The following LTBP4 variants were observed in gnomAD, a reference collection of about 807,000 sequenced individuals.
The protein encoded by LTBP4 is latent transforming growth factor beta binding protein 4.
Under a neutral mutation model 180.2 loss-of-function variants are expected in LTBP4, and 93 were observed. The ratio of observed to expected loss-of-function variants is 0.52; its 90% CI spans 0.44 to 0.61. The LOEUF (loss-of-function observed/expected upper bound fraction) is 0.61, where lower values mean the gene tolerates loss of function less well. LTBP4 is among the 20% of genes least tolerant of loss of function. The probability of loss-of-function intolerance (pLI) is 0.00; values close to 1 mark genes in which losing one functional copy is unlikely to be tolerated. For synonymous variants in LTBP4, 947 were observed against 934.5 expected, an observed-to-expected ratio of 1.01 and a Z score of -0.24; for missense variants, 2,116 against 2,256.5, an observed-to-expected ratio of 0.94 and a Z score of 1.26.
rs749092966 is a variant in LTBP4 at position 40,605,148 on chromosome 19, C to A, written c.364C>A (p.Pro122Thr). The A allele has an allele frequency of 3.7e-6, 6 of 1,611,904 alleles. No homozygotes were observed. The highest frequency in any genetic ancestry group is 4.2e-6 in the Non-Finnish European group (5 of 1,179,224). ...FCQLHSSGAR[P>T]PAPAVPGLTR... is the part of the protein sequence containing the mutation. ...CCAGTTGCACTCCTCGGGCGCCCGGCCCCCGGCCCCGGCTGTACCAGGCCT... is the reference window on the plus strand; with the variant it reads ...CCAGTTGCACTCCTCGGGCGCCCGGACCCCGGCCCCGGCTGTACCAGGCCT... The change falls in exon 2 of 30, where the codon CCC becomes ACC. Residue 122 changes from proline (P) to threonine (T), a missense_variant. Pro to Thr is a conservative substitution (Grantham distance 38). Transcript: ENST00000396819. The surrounding 1 kb of genome is among the most constrained non-coding windows in gnomAD (Gnocchi z 5.5).
chr19:40,627,946 G>A (rs982673665), intron 29 of LTBP4, 89 bp downstream of exon 29: 9 of 1,461,506 alleles, frequency 6.2e-6, no homozygotes, highest in Non-Finnish European at 5.5e-6. Context: ...TGCTGGTCAG[G>A]GACGGGAAAG....
rs778321413 is a variant in LTBP4 at position 40,624,097 on chromosome 19, G to T, written c.3832+15G>T. On this transcript the variant is annotated intron_variant, in intron 26 of 29. Coordinates refer to ENST00000396819, the MANE Select transcript of LTBP4 (RefSeq NM_001042545.2). The stretch of plus-strand genomic sequence containing the variant: ...CCAGAGCCTCGGTAACCCCGCCCAC[G>T]CCATCCAGGCCCTCCTTCCCTTGGC... 2.0e-6 allele frequency: 3 copies of T among 1,517,568 alleles called. No homozygotes were observed. The highest frequency in any genetic ancestry group is 2.7e-6 in the Non-Finnish European group (3 of 1,130,008). 94.0% of individuals were successfully genotyped at this position (1,517,568 alleles called of 1,614,324 possible).
At position 40,619,390 on chromosome 19, in the gene LTBP4, C is replaced by A; in HGVS notation, c.3114C>A (p.Ala1038=). Residue 1038 remains alanine (A), a synonymous_variant, in exon 22 of 30, where the codon GCC becomes GCA. Coordinates refer to ENST00000396819, the MANE Select transcript of LTBP4 (RefSeq NM_001042545.2). ...CETLQGVCGA[A]LCENVEGSFL... ...CACTACAGGGTGTATGTGGAGCTGC[C>A]CTGTGTGAAAATGTCGAAGGCTCCT... is the stretch of plus-strand genomic sequence containing the variant. The A allele has an allele frequency of 1.2e-6, 2 of 1,613,796 alleles. No homozygotes were observed. The highest frequency in any genetic ancestry group is 1.7e-6 in the Non-Finnish European group (2 of 1,179,848).
rs1242020458 is a variant in LTBP4, at chr19:40,629,647, G to T, written c.*97G>T. 23 of 1,216,340 alleles carry T rather than the reference G, an allele frequency of 1.9e-5. 1 individual carries two copies. In the South Asian group the frequency reaches 4.7e-4, roughly 25 times the overall value. The allele number at this position is 1,216,340 out of a possible 1,614,324, so 75.3% of individuals were successfully genotyped here. On this transcript the variant is annotated 3_prime_UTR_variant, in exon 30 of 30. Transcript: ENST00000396819. The surrounding 1 kb of genome is among the most constrained non-coding windows in gnomAD (Gnocchi z 4.5). Reference sequence around the variant, plus strand: ...TATGCGTATGTGCACGGGGCCGCCCGCCTGGACCTGGAGAAGGGACCTACG... The same window carrying T: ...TATGCGTATGTGCACGGGGCCGCCCTCCTGGACCTGGAGAAGGGACCTACG...
chr19:40,606,138 C>A, intron 4 of LTBP4, 95 bp from the exon 5 acceptor site: 1 of 1,162,730 alleles, frequency 8.6e-7, no homozygotes, highest in Non-Finnish European at 1.3e-6. Context: ...CTACAGCCAA[C>A]ATCTTTTAGT....
At position 40,613,048 on chromosome 19, in the gene LTBP4, A is replaced by C. The variant is rs1568407643; in HGVS notation, c.2300-17A>C. ...TCCCGAGACTGGACCCTTTCTGAAC[A>C]CCCCCACCCCCCACAGATGTGGACG... On this transcript the variant is annotated splice_polypyrimidine_tract_variant and intron_variant, in intron 15 of 29. Transcript: ENST00000396819. This position sits in a 1 kb window ranked among gnomAD's most constrained non-coding sequence, Gnocchi z 5.0. The C allele has an allele frequency of 6.2e-7, 1 of 1,609,088 alleles. No homozygotes were observed. Among genetic ancestry groups the C allele is most frequent in the Middle Eastern group, 1.7e-4 (1 of 6,058 alleles).
chr19:40,622,111 G>C lies in LTBP4; in HGVS notation c.3218-290G>C, dbSNP rs1018954095. Among the ~76,000 whole-genome samples the C allele has an allele frequency of 3.3e-5, 5 of 152,212 alleles. No individual in the cohort carries two copies. The highest frequency in any genetic ancestry group is 7.3e-5 in the Non-Finnish European group (5 of 68,030). On this transcript the variant is annotated intron_variant, in intron 22 of 29. Coordinates refer to ENST00000396819, the MANE Select transcript of LTBP4 (RefSeq NM_001042545.2). The surrounding 1 kb of genome is among the most constrained non-coding windows in gnomAD (Gnocchi z 5.1). ...TGCCACACACTGGATAAGAGACCCA[G>C]AGAGGCATCCAGGAAGCCAGGGAAG...
At position 40,613,179 on chromosome 19, in the gene LTBP4, G is replaced by T. The variant is rs1484352469; in HGVS notation, c.2414G>T (p.Arg805Leu). The T allele has an allele frequency of 1.3e-6, 2 of 1,571,568 alleles. No individual in the cohort carries two copies. Among genetic ancestry groups the T allele is most frequent in the Middle Eastern group, 1.7e-4 (1 of 6,026 alleles). ...CAPGYRAPSG[R>L]PGPCADVNEC... Reference sequence around the variant, plus strand: ...CCAGGCTACCGGGCGCCGTCGGGTCGGCCCGGGCCCTGCGCAGGTGAGCAG... The same window carrying T: ...CCAGGCTACCGGGCGCCGTCGGGTCTGCCCGGGCCCTGCGCAGGTGAGCAG... Residue 805 changes from arginine to leucine, a missense_variant, in exon 16 of 30, where the codon CGG (arginine) becomes CTG (leucine). Transcript: ENST00000396819. This position sits in a 1 kb window ranked among gnomAD's most constrained non-coding sequence, Gnocchi z 5.0.
At chr19:40,625,770 C>A (rs2278242) in intron 26 of LTBP4, 87 bp from the exon 27 acceptor site, 1 of 1,226,828 alleles carries the variant, frequency 8.2e-7, no homozygotes, top group Non-Finnish European at 1.1e-6. Context: ...GCAGAGGGTG[C>A]CTGGGCTGCT....
chr19:40,597,405 C>A, upstream of LTBP4: 2 of 1,495,556 alleles, frequency 1.3e-6, no homozygotes, highest in Non-Finnish European at 1.8e-6. Context: ...TCCTTGTGCC[C>A]CTTCCACCCA....
chr19:40,599,116 G>T, upstream of LTBP4: 1 of 1,309,612 alleles, frequency 7.6e-7, no homozygotes, highest in Non-Finnish European at 1.1e-6. Context: ...GATGCGTCTT[G>T]GTTTCCCCTC....
At position 40,626,640 on chromosome 19, in the gene LTBP4, C is replaced by T. The variant is rs139708518; in HGVS notation, c.3986-335C>T. On this transcript the variant is annotated intron_variant, in intron 27 of 29. Transcript: ENST00000396819. The stretch of plus-strand genomic sequence containing the variant: ...TCAGACTGTCTCCCATGCATCCTGC[C>T]CCCTCAGGTCCCCAGCAGCAATCCC... Among the ~76,000 whole-genome samples, 393 of 152,226 alleles carry T rather than the reference C, an allele frequency of 2.6e-3. 2 individuals carry two copies. The highest frequency in any genetic ancestry group is 3.7e-3 in the Admixed American group (56 of 15,276).
Position 40,629,356 on chromosome 19 carries a change from GC to G in LTBP4, c.4520-36del. On this transcript the variant is annotated intron_variant, in intron 29 of 29. Coordinates refer to ENST00000396819, the MANE Select transcript of LTBP4 (RefSeq NM_001042545.2). This position sits in a 1 kb window ranked among gnomAD's most constrained non-coding sequence, Gnocchi z 4.5. ...GGGGCCAAGGAGGCGAGCTTCTGGGGCCCCAGCCTTCAGCAGCGATCGTTGT... is the reference window on the plus strand; with the variant it reads ...GGGGCCAAGGAGGCGAGCTTCTGGGGCCCAGCCTTCAGCAGCGATCGTTGT... The G allele has an allele frequency of 6.2e-7, 1 of 1,610,700 alleles. No homozygotes were observed. The highest frequency in any genetic ancestry group is 2.2e-5 in the East Asian group (1 of 44,664).
chr19:40,624,440 C>A (rs1235003914), intron 26 of LTBP4, among the ~76,000 whole-genome samples: 1 of 152,228 alleles, frequency 6.6e-6, no homozygotes, highest in Non-Finnish European at 1.5e-5. Flanking sequence ...GTTGCCCAGG[C>A]TAGAGCGCAG....
In LTBP4 at chr19:40,609,147, A is replaced by C. The variant is rs2081486346; in HGVS notation, c.1427-383A>C. ...CAGTTTTCTCATTGGTAAAATGGGG[A>C]TGGTTGTTGAGATGCCTCTGAAGTG... is the stretch of plus-strand genomic sequence containing the variant. On this transcript the variant is annotated intron_variant, in intron 9 of 29. Coordinates refer to ENST00000396819, the MANE Select transcript of LTBP4 (RefSeq NM_001042545.2). This position sits in a 1 kb window ranked among gnomAD's most constrained non-coding sequence, Gnocchi z 4.9. Among the ~76,000 whole-genome samples, 1 of 152,126 alleles carries C rather than the reference A, an allele frequency of 6.6e-6. No homozygotes were observed. The highest frequency in any genetic ancestry group is 6.5e-5 in the Admixed American group (1 of 15,270).
At chr19:40,617,267 G>A (rs755971692) in intron 21 of LTBP4, 42 bp downstream of exon 21, 2 of 1,594,556 alleles carry the variant, frequency 1.3e-6, no homozygotes, top group Admixed American at 3.4e-5. Context: ...AGGGGGTGGG[G>A]GAGGTTGGTC....
In LTBP4 at chr19:40,611,975, G is replaced by C. The variant is rs753287623; in HGVS notation, c.2170G>C (p.Glu724Gln). 2 of 1,611,962 alleles carry C rather than the reference G, an allele frequency of 1.2e-6. No individual in the cohort carries two copies. Among genetic ancestry groups the C allele is most frequent in the Non-Finnish European group, 1.7e-6 (2 of 1,178,936 alleles). Residue 724 changes from glutamate (E) to glutamine (Q), a missense_variant, in exon 14 of 30, where the codon GAG becomes CAG. By Grantham distance (29) the Glu-to-Gln change is conservative. Coordinates refer to ENST00000396819, the MANE Select transcript of LTBP4 (RefSeq NM_001042545.2). The surrounding 1 kb of genome is among the most constrained non-coding windows in gnomAD (Gnocchi z 4.4). ...MGFQPNTAGSECEDVDECENH... is the reference protein window; with the variant it reads ...MGFQPNTAGSQCEDVDECENH... Reference sequence around the variant, plus strand: ...CTTCCAACCCAACACTGCTGGCTCCGAGTGCGAGGGTGAGGCCGGGGAGGG... The same window carrying C: ...CTTCCAACCCAACACTGCTGGCTCCCAGTGCGAGGGTGAGGCCGGGGAGGG...
Position 40,611,209 on chromosome 19 carries a change from T to A in LTBP4, c.1868T>A (p.Leu623Gln). The A allele has an allele frequency of 6.2e-7, 1 of 1,613,864 alleles. No individual in the cohort carries two copies. Among genetic ancestry groups the A allele is most frequent in the East Asian group, 2.2e-5 (1 of 44,880 alleles). ...TGTGGCCGAGGGGCCTGCAAGAACCTGCCTGGCTCTTTCCGCTGTGTTTGC... is the reference window on the plus strand; with the variant it reads ...TGTGGCCGAGGGGCCTGCAAGAACCAGCCTGGCTCTTTCCGCTGTGTTTGC... The part of the protein sequence containing the change: ...GLCGRGACKN[L>Q]PGSFRCVCPA... The change falls in exon 13 of 30, where the codon CTG (leucine) becomes CAG (glutamine). Residue 623 changes from leucine (L) to glutamine (Q), a missense_variant. By Grantham distance (113) the Leu-to-Gln change is moderately radical (BLOSUM62 -2). Coordinates refer to ENST00000396819, the MANE Select transcript of LTBP4 (RefSeq NM_001042545.2). The surrounding 1 kb of genome is among the most constrained non-coding windows in gnomAD (Gnocchi z 4.4).
chr19:40,612,167 C>G lies in LTBP4; in HGVS notation c.2274C>G (p.His758Gln). The change falls in exon 15 of 30, where the codon CAC becomes CAG. Residue 758 changes from histidine (H) to glutamine (Q), a missense_variant. Coordinates refer to ENST00000396819, the MANE Select transcript of LTBP4 (RefSeq NM_001042545.2). ...AGTGCAGGACCTGTCCTTCTGGCCA[C>G]CACCTGCACCGTGGCAGATGCACTG... is the stretch of plus-strand genomic sequence containing the variant. The part of the protein sequence containing the change: ...SFQCRTCPSG[H>Q]HLHRGRCTDV... 1 of 1,609,456 alleles carries G rather than the reference C, an allele frequency of 6.2e-7. No individual in the cohort carries two copies. The highest frequency in any genetic ancestry group is 2.2e-5 in the East Asian group (1 of 44,754).
Sources: allele counts gnomAD v4.1 joint callset (sites outside exome capture counted in the v4.1 genomes callset), GRCh38; gene constraint gnomAD v4.1.1; non-coding constraint Gnocchi (gnomAD v3.1); transcripts MANE v1.5; gene names NCBI Gene and HGNC (gene_info 2026-07-23, HGNC 2026-07-21).